TTLL2: variants seen among roughly 807,000 people sequenced by gnomAD.
TTLL2 encodes tubulin tyrosine ligase like 2, also known as probable tubulin polyglutamylase TTLL2.
Under a neutral mutation model 7.5 loss-of-function variants are expected in TTLL2, and 10 were observed. That is an observed-to-expected ratio of 1.33 (90% CI 0.82 to 2.25). The LOEUF (loss-of-function observed/expected upper bound fraction) is 2.25. Among genes scored for constraint, TTLL2 ranks in the 30% most tolerant of loss-of-function variants. TTLL2 has a pLI of 0.00. For missense variants in TTLL2, 733 were observed against 735.7 expected (o/e 1.00, Z 0.04); for synonymous variants, 284 against 280.3 (o/e 1.01, Z -0.13).
Position 167,325,100 on chromosome 6 carries a change from C to T in TTLL2, c.-74C>T. On this transcript the variant is annotated 5_prime_UTR_variant, in exon 1 of 3. Coordinates refer to ENST00000239587, the MANE Select transcript of TTLL2 (RefSeq NM_031949.5). ...CATCAGCAACCAGTGCTCCCTCCAGCCTCCGCGCATTTCAGCTGGCGCTGC... is the reference window on the plus strand; with the variant it reads ...CATCAGCAACCAGTGCTCCCTCCAGTCTCCGCGCATTTCAGCTGGCGCTGC... The T allele has an allele frequency of 1.3e-6, 2 of 1,491,034 alleles. No individual in the cohort carries two copies. The highest frequency in any genetic ancestry group is 1.8e-6 in the Non-Finnish European group (2 of 1,099,416). 92.4% of individuals were successfully genotyped at this position (1,491,034 alleles called of 1,614,324 possible).
chr6:167,340,593 C>T lies in TTLL2; in HGVS notation c.693C>T (p.Phe231=), dbSNP rs779206805. 5 of 1,614,174 alleles carry T rather than the reference C, an allele frequency of 3.1e-6. No homozygotes were observed. The South Asian group carries it at 4.4e-5, about 14-fold the overall frequency. The change falls in exon 3 of 3, where the codon TTC becomes TTT. Residue 231 remains phenylalanine, a synonymous_variant. Transcript: ENST00000239587. The stretch of plus-strand genomic sequence containing the variant: ...TAATTTTCAGTGACTTTAAAGACTT[C>T]ATCTTTGATGATATGTACATAGTGC... ...GILIFSDFKD[F]IFDDMYIVQK...
chr6:167,325,339 T>C, intron 1 of TTLL2, 119 bp downstream of exon 1: 1 of 1,043,042 alleles, frequency 9.6e-7, no homozygotes, highest in Non-Finnish European at 1.3e-6. Flanking sequence ...GAGTGTGCAC[T>C]GGGACCCCCG....
In TTLL2 at chr6:167,332,273, T is replaced by C. The variant is rs1475883131; in HGVS notation, c.48-6374T>C. ...CTTTTTTGAACACAGTTTCAGCAGT[T>C]GGCTGCCTGTGGTCGGCTGATTAGT... On this transcript the variant is annotated intron_variant, in intron 1 of 2. Transcript: ENST00000239587. Among the ~76,000 whole-genome samples the C allele has an allele frequency of 2.0e-5, 3 of 152,170 alleles. No homozygotes were observed. The East Asian group carries it at 5.8e-4, about 29-fold the overall frequency.
Position 167,341,793 on chromosome 6 carries a change from G to A in TTLL2, c.*114G>A. 8.7e-7 allele frequency: 1 copy of A among 1,143,464 alleles called. No individual in the cohort carries two copies. Among genetic ancestry groups the A allele is most frequent in the South Asian group, 1.7e-5 (1 of 59,970 alleles). The allele number at this position is 1,143,464 out of a possible 1,614,324, so 70.8% of individuals were successfully genotyped here. ...CCTGTGCCACCAGCATGTTAACTATGACATTGGGACTGAAGATGTGGCCAT... is the reference window on the plus strand; with the variant it reads ...CCTGTGCCACCAGCATGTTAACTATAACATTGGGACTGAAGATGTGGCCAT... On this transcript the variant is annotated 3_prime_UTR_variant, in exon 3 of 3. Coordinates refer to ENST00000239587, the MANE Select transcript of TTLL2 (RefSeq NM_031949.5).
At chr6:167,329,736 C>A (rs921033524) in intron 1 of TTLL2, among the ~76,000 whole-genome samples, 1 of 152,086 alleles carries the variant, frequency 6.6e-6, no homozygotes, top group Non-Finnish European at 1.5e-5. Context: ...TAGCCAGGAC[C>A]CAGCCTCTGC....
chr6:167,325,921 C>G lies in TTLL2; in HGVS notation c.47+701C>G, dbSNP rs563736230. Among the ~76,000 whole-genome samples the G allele has an allele frequency of 3.3e-5, 5 of 152,202 alleles. 1 individual carries two copies. The South Asian group carries it at 1.0e-3, about 32-fold the overall frequency. Reference sequence around the variant, plus strand: ...CTGGGCTCCTGTTGTCACATGCGAGCGGGAAGCGGGCTGTGACAGGCCGAA... The same window carrying G: ...CTGGGCTCCTGTTGTCACATGCGAGGGGGAAGCGGGCTGTGACAGGCCGAA... On this transcript the variant is annotated intron_variant, in intron 1 of 2. Transcript: ENST00000239587.
intron 1 of TTLL2, among the ~76,000 whole-genome samples, chr6:167,337,855 C>T (rs1347055853): frequency 6.6e-6 from 1 of 151,648 alleles, no homozygotes; most frequent in Non-Finnish European, 1.5e-5. Flanking sequence ...ACGCACCACA[C>T]ACACAACACA....
chr6:167,332,371 G>A (rs1369282483), intron 1 of TTLL2, among the ~76,000 whole-genome samples: 3 of 152,154 alleles, frequency 2.0e-5, no homozygotes, highest in Admixed American at 2.0e-4. Context: ...TTAGCTGACA[G>A]CTCACTGTGT....
chr6:167,337,091 G>T (rs958142388), intron 1 of TTLL2, among the ~76,000 whole-genome samples: 2 of 152,016 alleles, frequency 1.3e-5, no homozygotes, highest in Non-Finnish European at 2.9e-5. Context: ...TCAACAAACC[G>T]CACATGCTTT....
intron 1 of TTLL2, among the ~76,000 whole-genome samples, chr6:167,337,374 G>A (rs1009646739): frequency 6.6e-6 from 1 of 152,152 alleles, no homozygotes; most frequent in Non-Finnish European, 1.5e-5. Flanking sequence ...GCTGCTGTGG[G>A]GAGACGGAAC....
rs751484860 is a variant in TTLL2 at position 167,341,142 on chromosome 6, G to A, written c.1242G>A (p.Leu414=). The A allele has an allele frequency of 6.2e-7, 1 of 1,613,834 alleles. No individual in the cohort carries two copies. The highest frequency in any genetic ancestry group is 1.1e-5 in the South Asian group (1 of 91,052). Residue 414 remains leucine, a synonymous_variant, in exon 3 of 3, where the codon CTG becomes CTA. Coordinates refer to ENST00000239587, the MANE Select transcript of TTLL2 (RefSeq NM_031949.5). ...KRKLVHDIID[L]IYLNGLRNEG... Reference sequence around the variant, plus strand: ...AACTTGTCCATGATATTATTGACCTGATTTACTTAAATGGTCTAAGAAATG... The same window carrying A: ...AACTTGTCCATGATATTATTGACCTAATTTACTTAAATGGTCTAAGAAATG...
Position 167,340,534 on chromosome 6 carries a change from A to G in TTLL2, c.634A>G (p.Lys212Glu), listed in dbSNP as rs762555500. Residue 212 changes from lysine (K) to glutamate (E), a missense_variant, in exon 3 of 3, where the codon AAG becomes GAG. By Grantham distance (56) the Lys-to-Glu change is moderately conservative (BLOSUM62 1). Coordinates refer to ENST00000239587, the MANE Select transcript of TTLL2 (RefSeq NM_031949.5). ...CACCAAGCATAGCTATTGGATTTGC[A>G]AGCCTGCTGAGTTATCTCGTGGGAG... ...LGTKHSYWIC[K>E]PAELSRGRGI... The G allele has an allele frequency of 6.2e-7, 1 of 1,614,146 alleles. No individual in the cohort carries two copies. The highest frequency in any genetic ancestry group is 8.5e-7 in the Non-Finnish European group (1 of 1,180,020).
chr6:167,335,299 A>G (rs950238064), intron 1 of TTLL2, among the ~76,000 whole-genome samples: 12 of 151,204 alleles, frequency 7.9e-5, no homozygotes, highest in African/African-American at 2.9e-4. Context: ...TAGAATGGCA[A>G]TCATTAAAAA....
At chr6:167,329,615 C>T (rs368961029) in intron 1 of TTLL2, among the ~76,000 whole-genome samples, 12 of 152,248 alleles carry the variant, frequency 7.9e-5, no homozygotes, top group African/African-American at 2.4e-4. Context: ...TCATATTACA[C>T]GTCCCTTTGC....
intron 1 of TTLL2, among the ~76,000 whole-genome samples, chr6:167,332,483 C>A (rs1349279422): frequency 6.6e-6 from 1 of 151,990 alleles, no homozygotes; most frequent in Non-Finnish European, 1.5e-5. Context: ...TGAAGAAAGT[C>A]ATTGGTAGCT....
chr6:167,338,864 C>CTTCCTTCCTTCCTTCCTTCT, intron 2 of TTLL2, 61 bp downstream of exon 2: 1 of 1,446,018 alleles, frequency 6.9e-7, no homozygotes, highest in East Asian at 2.6e-5. Context: ...TCCTTCCTTC[C>CTTCCTTCCTTCCTTCCTTCT]TTCTTTCCTC....
rs1307106197 is a variant in TTLL2 at position 167,340,770 on chromosome 6, G to A, written c.870G>A (p.Leu290=). ...CGGAAAAGTTTGACCTCAGTAATTT[G>A]CAAAACAATTATGCCCATTTGACCA... is the stretch of plus-strand genomic sequence containing the variant. The part of the protein sequence containing the change: ...FATEKFDLSN[L]QNNYAHLTNS... Residue 290 remains leucine (L), a synonymous_variant, in exon 3 of 3, where the codon TTG becomes TTA. Coordinates refer to ENST00000239587, the MANE Select transcript of TTLL2 (RefSeq NM_031949.5). 1 of 1,614,154 alleles carries A rather than the reference G, an allele frequency of 6.2e-7. No individual in the cohort carries two copies. The highest frequency in any genetic ancestry group is 8.5e-7 in the Non-Finnish European group (1 of 1,180,022).
At chr6:167,338,825 T>TTCCTTCCA (rs1317132340) in intron 2 of TTLL2, 22 bp downstream of exon 2, 1 of 1,091,838 alleles carries the variant, frequency 9.2e-7, no homozygotes, top group Admixed American at 5.0e-5. Context: ...AGCCAGGTAG[T>TTCCTTCCA]TCCTTCCTTC....
chr6:167,334,133 G>A (rs1778956301), intron 1 of TTLL2, among the ~76,000 whole-genome samples: 1 of 141,404 alleles, frequency 7.1e-6, no homozygotes, highest in Non-Finnish European at 1.5e-5. Context: ...AGAGATTCTG[G>A]TATGTTGTGT....
Sources: allele counts gnomAD v4.1 joint callset (sites outside exome capture counted in the v4.1 genomes callset), GRCh38; gene constraint gnomAD v4.1.1; transcripts MANE v1.5; gene names NCBI Gene and HGNC (gene_info 2026-07-23, HGNC 2026-07-21).